The following RIN2 variants were observed in gnomAD, a reference collection of about 807,000 sequenced individuals.
The protein encoded by RIN2 is RAB5 interacting protein 2.
In RIN2, 36 loss-of-function variants were observed where a neutral mutation model predicts 78.0. That is an observed-to-expected ratio of 0.46 (90% CI 0.35 to 0.61). The LOEUF (loss-of-function observed/expected upper bound fraction) is 0.61. Ranked by LOEUF, RIN2 falls within the 20% of genes least tolerant of loss-of-function variation. The probability of loss-of-function intolerance (pLI) is 0.00; values close to 1 mark genes in which losing one functional copy is unlikely to be tolerated. For synonymous variants in RIN2, 466 were observed against 466.8 expected (o/e 1.00, Z 0.02); for missense variants, 1,087 against 1,159.7 (o/e 0.94, Z 0.91).
chr20:19,845,224 G>T (rs1331527501), intron 2 of RIN2, among the ~76,000 whole-genome samples: 1 of 152,118 alleles, frequency 6.6e-6, no homozygotes, highest in Non-Finnish European at 1.5e-5. Context: ...AGTAGAATGA[G>T]TTATAATCCT....
rs756208701 is a variant in RIN2, at chr20:19,990,329, C to A, written c.2068+18C>A. 1 of 1,594,036 alleles carries A rather than the reference C, an allele frequency of 6.3e-7. No homozygotes were observed. ...CAACTCAGGTGAGGCCGCTGGAAGCCCAGGCTTCGTGCCGCTTCCCTTCCG... is the reference window on the plus strand; with the variant it reads ...CAACTCAGGTGAGGCCGCTGGAAGCACAGGCTTCGTGCCGCTTCCCTTCCG... On this transcript the variant is annotated intron_variant, in intron 10 of 12. Transcript: ENST00000255006.
intron 2 of RIN2, among the ~76,000 whole-genome samples, chr20:19,884,639 C>T (rs539666118): frequency 1.1e-4 from 17 of 152,234 alleles, no homozygotes; most frequent in African/African-American, 3.9e-4. Context: ...TTAAAAATTT[C>T]TTTCAATTCA....
At chr20:19,981,047 G>A (rs1278591156) in intron 9 of RIN2, among the ~76,000 whole-genome samples, 3 of 148,650 alleles carry the variant, frequency 2.0e-5, no homozygotes, top group African/African-American at 7.3e-5. Flanking sequence ...GGCCCTGTGT[G>A]GTTTACAAAG....
intron 6 of RIN2, among the ~76,000 whole-genome samples, chr20:19,961,668 C>T (rs1450961735): frequency 6.6e-6 from 1 of 151,938 alleles, no homozygotes; most frequent in African/African-American, 2.4e-5. Context: ...TCTACTCAGC[C>T]GGGAGGGCAC....
In RIN2 at chr20:19,956,737, A is replaced by T. The variant is rs1245028694; in HGVS notation, c.281A>T (p.His94Leu). 1.2e-6 allele frequency: 2 copies of T among 1,608,944 alleles called. No homozygotes were observed. Among genetic ancestry groups the T allele is most frequent in the Non-Finnish European group, 1.7e-6 (2 of 1,177,892 alleles). Residue 94 changes from histidine (H) to leucine (L), a missense_variant, in exon 5 of 13, where the codon CAC becomes CTC. This residue lies in a region of RIN2 where 706 missense variants were observed against 667.5 expected (regional missense o/e 1.06). Transcript: ENST00000255006. The stretch of plus-strand genomic sequence containing the variant: ...ATCTTGGACCGGCTCCTCCACACCC[A>T]CCCCATATGGCTGCAGCTGAGTCTG... ...LSILDRLLHT[H>L]PIWLQLSLSE... is the part of the protein sequence containing the mutation.
intron 7 of RIN2, among the ~76,000 whole-genome samples, chr20:19,966,924 C>CACACAT (rs1265553442): frequency 6.6e-6 from 1 of 152,076 alleles, no homozygotes; most frequent in Non-Finnish European, 1.5e-5. Context: ...CACACACACA[C>CACACAT]ACACATATAT....
chr20:19,960,411 G>T (rs531250035), intron 5 of RIN2, among the ~76,000 whole-genome samples: 2 of 152,208 alleles, frequency 1.3e-5, no homozygotes, highest in South Asian at 4.1e-4. Context: ...AACTCCAGCA[G>T]TAAAACAGTC....
intron 11 of RIN2, among the ~76,000 whole-genome samples, chr20:19,994,505 C>T (rs2042895045): frequency 6.6e-6 from 1 of 152,190 alleles, no homozygotes. Flanking sequence ...TTAAAACCTT[C>T]TCTAATTGCA....
At chr20:19,783,437 G>A (rs62200336) in intron 1 of RIN2, among the ~76,000 whole-genome samples, 6,473 of 152,048 alleles carry the variant, frequency 0.043, 202 homozygotes, top group East Asian at 0.13. Flanking sequence ...GTTTTTGGGC[G>A]TCCCCTCTCA....
intron 1 of RIN2, among the ~76,000 whole-genome samples, chr20:19,781,011 C>T (rs1476328889): frequency 6.6e-6 from 1 of 152,120 alleles, no homozygotes; most frequent in Non-Finnish European, 1.5e-5. Context: ...CCACAACCAC[C>T]ACATGATCTT....
chr20:19,947,799 C>T (rs760033645), intron 4 of RIN2, among the ~76,000 whole-genome samples: 22 of 152,250 alleles, frequency 1.4e-4, no homozygotes, highest in Non-Finnish European at 3.1e-4. Flanking sequence ...TGGGCGGAGC[C>T]TGCCGCTCAC....
At chr20:19,933,438 T>C (rs2040513581) in intron 3 of RIN2, among the ~76,000 whole-genome samples, 1 of 152,226 alleles carries the variant, frequency 6.6e-6, no homozygotes, top group Non-Finnish European at 1.5e-5. Context: ...CAACCCGCCC[T>C]GATCTGTTTG....
At chr20:19,945,970 G>A (rs1402162878) in intron 4 of RIN2, among the ~76,000 whole-genome samples, 3 of 152,168 alleles carry the variant, frequency 2.0e-5, no homozygotes, top group Non-Finnish European at 4.4e-5. Flanking sequence ...GGCTGGAGCT[G>A]AGCAGCGGAT....
intron 1 of RIN2, among the ~76,000 whole-genome samples, chr20:19,763,312 C>T (rs531457737): frequency 5.3e-5 from 8 of 152,174 alleles, no homozygotes; most frequent in South Asian, 2.1e-4. Context: ...CCCCTGAACC[C>T]GGGAGGCAGA....
In RIN2 at chr20:19,862,363, G is replaced by A. The variant is rs546183041; in HGVS notation, c.-36-27203G>A. The stretch of plus-strand genomic sequence containing the variant: ...TCCCACCACTTTGGGAGGCCGAGGC[G>A]GGTGGATTGCCTGAGCTCGAGAGTT... On this transcript the variant is annotated intron_variant, in intron 2 of 12. Transcript: ENST00000255006. 8.5e-5 allele frequency among the ~76,000 whole-genome samples: 13 copies of A among 152,228 alleles called. No individual in the cohort carries two copies. In the East Asian group the frequency reaches 1.9e-3, roughly 23 times the overall value.
intron 2 of RIN2, among the ~76,000 whole-genome samples, chr20:19,857,266 A>G (rs1412475864): frequency 6.6e-6 from 1 of 152,144 alleles, no homozygotes; most frequent in Non-Finnish European, 1.5e-5. Context: ...GCTCAACATA[A>G]TGTTTTGAGC....
chr20:19,883,934 G>A (rs2038103056), intron 2 of RIN2, among the ~76,000 whole-genome samples: 1 of 151,298 alleles, frequency 6.6e-6, no homozygotes, highest in Non-Finnish European at 1.5e-5. Flanking sequence ...TGAGGCACTG[G>A]ACATTGTTCC....
intron 1 of RIN2, among the ~76,000 whole-genome samples, chr20:19,775,571 A>G (rs1302323892): frequency 6.6e-6 from 1 of 152,250 alleles, no homozygotes; most frequent in Non-Finnish European, 1.5e-5. Context: ...TGTCACTCAT[A>G]TACTTGCCAC....
intron 8 of RIN2, among the ~76,000 whole-genome samples, chr20:19,973,075 T>G (rs6515052): frequency 0.21 from 32,505 of 152,156 alleles, 3,842 homozygotes; most frequent in African/African-American, 0.33. Flanking sequence ...CCTGAATGTT[T>G]GTCAGAAATA....
Sources: allele counts gnomAD v4.1 joint callset (sites outside exome capture counted in the v4.1 genomes callset), GRCh38; gene constraint gnomAD v4.1.1; regional missense constraint gnomAD v4.1.1; transcripts MANE v1.5; gene names NCBI Gene and HGNC (gene_info 2026-07-23, HGNC 2026-07-21).